FARS2: variants seen among roughly 807,000 people sequenced by gnomAD.
FARS2 encodes the protein phenylalanyl-tRNA synthetase 2, mitochondrial.
A neutral mutation model predicts 46.4 loss-of-function variants in FARS2; 40 were observed. The observed-to-expected ratio is 0.86, with a 90% CI of 0.67 to 1.12. The LOEUF is 1.12. Among genes scored for constraint, FARS2 ranks in the 50% most tolerant of loss-of-function variants. FARS2 has a pLI of 0.00. For synonymous variants in FARS2, 234 were observed against 214.9 expected, an observed-to-expected ratio of 1.09 and a Z score of -0.78; for missense variants, 513 against 567.9, an observed-to-expected ratio of 0.90 and a Z score of 0.98.
At chr6:5,763,133 A>T (rs1405594574) in intron 6 of FARS2, among the ~76,000 whole-genome samples, 1 of 152,218 alleles carries the variant, frequency 6.6e-6, no homozygotes, top group Non-Finnish European at 1.5e-5. Flanking sequence ...TGCCCTCATT[A>T]GGCCAGCGTG....
chr6:5,567,259 C>T (rs1197913558), intron 5 of FARS2, among the ~76,000 whole-genome samples: 1 of 152,170 alleles, frequency 6.6e-6, no homozygotes, highest in African/African-American at 2.4e-5. Context: ...TCTCTAATGA[C>T]TAGTGATGTT....
chr6:5,272,928 G>C, intron 1 of FARS2, among the ~76,000 whole-genome samples: 1 of 152,102 alleles, frequency 6.6e-6, no homozygotes, highest in East Asian at 1.9e-4. Context: ...TCTGTGCTTG[G>C]CTTATTTCAC....
At position 5,728,522 on chromosome 6, in the gene FARS2, T is replaced by C. The variant is rs144601679; in HGVS notation, c.1218-42769T>C. Among the ~76,000 whole-genome samples the C allele has an allele frequency of 6.0e-3, 920 of 152,312 alleles. 2 individuals are homozygous for C. The highest frequency in any genetic ancestry group is 0.017 in the Middle Eastern group (5 of 294). ...ATGCCTTCTTCAAAATGATTTTTGC[T>C]GTTGGCAAAGCTGAGAACACACTCA... On this transcript the variant is annotated intron_variant, in intron 6 of 6. Coordinates refer to ENST00000274680, the MANE Select transcript of FARS2 (RefSeq NM_006567.5).
intron 4 of FARS2, among the ~76,000 whole-genome samples, chr6:5,460,176 T>C (rs998861965): frequency 1.3e-5 from 2 of 152,248 alleles, no homozygotes; most frequent in Non-Finnish European, 2.9e-5. Context: ...CTTAGTTTTC[T>C]GTATGCTTTT....
chr6:5,368,712 G>A lies in FARS2; in HGVS notation c.142G>A (p.Gly48Ser). The change falls in exon 2 of 7, where the codon GGC becomes AGC. Residue 48 changes from glycine (G) to serine (S), a missense_variant. Gly to Ser is a moderately conservative substitution (Grantham distance 56). Coordinates refer to ENST00000274680, the MANE Select transcript of FARS2 (RefSeq NM_006567.5). ...AAECATQRAP[G>S]SVVELLGKSY... ...AGAGTGTGCCACCCAAAGAGCTCCA[G>A]GCAGTGTGGTGGAGCTGCTGGGCAA... 6.2e-7 allele frequency: 1 copy of A among 1,614,182 alleles called. No individual in the cohort carries two copies. Among genetic ancestry groups the A allele is most frequent in the Non-Finnish European group, 8.5e-7 (1 of 1,180,026 alleles).
In FARS2 at chr6:5,510,612, T is replaced by A. The variant is rs558966863; in HGVS notation, c.905-34568T>A. 4.5e-4 allele frequency among the ~76,000 whole-genome samples: 68 copies of A among 152,338 alleles called. 2 individuals carry two copies. Among genetic ancestry groups the A allele is most frequent in the African/African-American group, 1.6e-3 (66 of 41,594 alleles). ...TTTGTGTGCGGAGCCTGTGTCTCAC[T>A]CATCTTTGCAGCCCCTGGACCTGCT... On this transcript the variant is annotated intron_variant, in intron 4 of 6. Transcript: ENST00000274680.
intron 5 of FARS2, among the ~76,000 whole-genome samples, chr6:5,589,570 C>T (rs1167220718): frequency 2.6e-5 from 4 of 152,216 alleles, no homozygotes; most frequent in African/African-American, 4.8e-5. Context: ...ACACTGAGTG[C>T]GGCTACCTCT....
intron 6 of FARS2, among the ~76,000 whole-genome samples, chr6:5,686,071 G>A (rs1201388591): frequency 6.6e-6 from 1 of 152,192 alleles, no homozygotes; most frequent in Non-Finnish European, 1.5e-5. Context: ...ACTGGTGGAT[G>A]ATGAGATTTC....
chr6:5,623,721 AAAT>A (rs200886042), intron 6 of FARS2, among the ~76,000 whole-genome samples: 6 of 74,100 alleles, frequency 8.1e-5, no homozygotes, highest in Non-Finnish European at 1.6e-4. Flanking sequence ...CAAAAAAAAT[AAAT>A]AAATAAAATA....
intron 6 of FARS2, among the ~76,000 whole-genome samples, chr6:5,731,722 GC>G (rs1244786830): frequency 6.6e-5 from 10 of 152,124 alleles, no homozygotes; most frequent in Admixed American, 6.6e-4. Flanking sequence ...TTTGGGACAC[GC>G]TGTTTGATCT....
intron 5 of FARS2, among the ~76,000 whole-genome samples, chr6:5,581,316 G>A (rs1295213122): frequency 2.0e-5 from 3 of 152,152 alleles, no homozygotes; most frequent in Non-Finnish European, 2.9e-5. Flanking sequence ...CAAAACCCAC[G>A]CACACACATA....
chr6:5,459,196 T>C (rs184202844), intron 4 of FARS2, among the ~76,000 whole-genome samples: 1 of 152,164 alleles, frequency 6.6e-6, no homozygotes, highest in African/African-American at 2.4e-5. Flanking sequence ...AACAAATTAG[T>C]TTAACATATT....
At chr6:5,574,419 T>C (rs571852971) in intron 5 of FARS2, among the ~76,000 whole-genome samples, 1 of 152,302 alleles carries the variant, frequency 6.6e-6, no homozygotes, top group Admixed American at 6.5e-5. Flanking sequence ...GAGAGTCTTT[T>C]GAGAAAAATA....
At chr6:5,253,425 C>A in the FARS2 span, among the ~76,000 whole-genome samples, 12 of 149,848 alleles carry the variant, frequency 8.0e-5, no homozygotes. Flanking sequence ...GGGCAATTCT[C>A]AGTTTTTTTT....
At chr6:5,748,174 AG>A (rs1761744683) in intron 6 of FARS2, among the ~76,000 whole-genome samples, 1 of 152,202 alleles carries the variant, frequency 6.6e-6, no homozygotes, top group South Asian at 2.1e-4. Context: ...CTGTGGGAGC[AG>A]GAATCTGCTT....
chr6:5,528,597 T>C (rs906624168), intron 4 of FARS2, among the ~76,000 whole-genome samples: 1 of 152,230 alleles, frequency 6.6e-6, no homozygotes, highest in Non-Finnish European at 1.5e-5. Context: ...TGCTGTTGGT[T>C]GACTGACTCA....
At chr6:5,686,274 C>T (rs1757200925) in intron 6 of FARS2, among the ~76,000 whole-genome samples, 2 of 151,970 alleles carry the variant, frequency 1.3e-5, no homozygotes, top group Middle Eastern at 3.2e-3. Context: ...CATATGTATA[C>T]ATGTGCCATG....
At chr6:5,436,379 C>A (rs1228039256) in intron 4 of FARS2, among the ~76,000 whole-genome samples, 1 of 125,318 alleles carries the variant, frequency 8.0e-6, no homozygotes, top group African/African-American at 2.6e-5. Context: ...TTGTTGATCT[C>A]AGTTGGTGAA....
At chr6:5,653,487 C>G (rs1249244239) in intron 6 of FARS2, among the ~76,000 whole-genome samples, 1 of 152,214 alleles carries the variant, frequency 6.6e-6, no homozygotes, top group African/African-American at 2.4e-5. Context: ...ACGAGTAAAG[C>G]AGGCTCAGCC....
Sources: allele counts gnomAD v4.1 joint callset (sites outside exome capture counted in the v4.1 genomes callset), GRCh38; gene constraint gnomAD v4.1.1; transcripts MANE v1.5; gene names NCBI Gene and HGNC (gene_info 2026-07-23, HGNC 2026-07-21).